Variants in APBB1IP observed in about 807,000 individuals in gnomAD.
APBB1IP encodes the protein amyloid beta A4 precursor protein-binding family B member 1-interacting protein.
A neutral mutation model predicts 64.9 loss-of-function variants in APBB1IP; 27 were observed. That is an observed-to-expected ratio of 0.42 (90% CI 0.31 to 0.57). The LOEUF is 0.57. Ranked by LOEUF, APBB1IP falls within the 20% of genes least tolerant of loss-of-function variation. APBB1IP has a pLI of 0.20. For missense variants in APBB1IP, 812 were observed against 845.5 expected, an observed-to-expected ratio of 0.96 and a Z score of 0.49; for synonymous variants, 392 against 331.0, an observed-to-expected ratio of 1.18 and a Z score of -2.00.
intron 5 of APBB1IP, among the ~76,000 whole-genome samples, chr10:26,502,491 A>C (rs751219516): frequency 1.2e-4 from 18 of 152,218 alleles, no homozygotes; most frequent in Non-Finnish European, 2.9e-5. Context: ...AATACAAAAA[A>C]ATTAGCCAGG....
At chr10:26,492,505 GAAC>G in intron 3 of APBB1IP, 107 bp downstream of exon 3, 1 of 975,770 alleles carries the variant, frequency 1.0e-6, no homozygotes, top group Non-Finnish European at 1.6e-6. Flanking sequence ...GATATCGGGG[GAAC>G]CAGCCCCCGA....
intron 14 of APBB1IP, among the ~76,000 whole-genome samples, chr10:26,565,716 C>T (rs1461117336): frequency 6.6e-6 from 1 of 152,134 alleles, no homozygotes; most frequent in Non-Finnish European, 1.5e-5. Context: ...GCCAGTAACA[C>T]CATGAAGATG....
At position 26,560,810 on chromosome 10, in the gene APBB1IP, A is replaced by G; in HGVS notation, c.1335A>G (p.Thr445=). The stretch of plus-strand genomic sequence containing the variant: ...CCTCTCGGTGGACAAACTTGGGGAC[A>G]GTCAATGCAGCTGCACCAGCTCAGC... ...GLASRWTNLG[T]VNAAAPAQPS... The change falls in exon 13 of 15, where the codon ACA becomes ACG. Residue 445 remains threonine, a synonymous_variant. Coordinates refer to ENST00000376236, the MANE Select transcript of APBB1IP (RefSeq NM_019043.4). 2 of 1,604,972 alleles carry G rather than the reference A, an allele frequency of 1.2e-6. No individual in the cohort carries two copies. The highest frequency in any genetic ancestry group is 2.2e-5 in the East Asian group (1 of 44,726).
At chr10:26,528,434 C>T (rs1836506324) in intron 8 of APBB1IP, among the ~76,000 whole-genome samples, 1 of 152,166 alleles carries the variant, frequency 6.6e-6, no homozygotes, top group Non-Finnish European at 1.5e-5. Flanking sequence ...TTCAAGGCCT[C>T]GTTCAAACTT....
chr10:26,534,688 C>T (rs546955168), intron 9 of APBB1IP, among the ~76,000 whole-genome samples: 4 of 152,316 alleles, frequency 2.6e-5, no homozygotes, highest in Non-Finnish European at 5.9e-5. Context: ...TGCCACCCCC[C>T]AGATGCTGAG....
intron 8 of APBB1IP, among the ~76,000 whole-genome samples, chr10:26,521,650 T>C (rs1836402668): frequency 6.6e-6 from 1 of 152,216 alleles, no homozygotes; most frequent in Non-Finnish European, 1.5e-5. Context: ...TCAAACTCTG[T>C]GCTTGCGTAA....
intron 2 of APBB1IP, among the ~76,000 whole-genome samples, chr10:26,488,921 G>T (rs1159041317): frequency 6.6e-6 from 1 of 152,110 alleles, no homozygotes; most frequent in Non-Finnish European, 1.5e-5. Flanking sequence ...ACACCTCCTT[G>T]TCCCATGTGT....
At chr10:26,469,338 C>T (rs1391718345) in intron 2 of APBB1IP, among the ~76,000 whole-genome samples, 10 of 143,414 alleles carry the variant, frequency 7.0e-5, no homozygotes, top group African/African-American at 2.4e-4. Flanking sequence ...CAGCTCACTG[C>T]AACCTCTGCC....
At chr10:26,557,990 C>G (rs1306009525) in intron 11 of APBB1IP, among the ~76,000 whole-genome samples, 1 of 152,178 alleles carries the variant, frequency 6.6e-6, no homozygotes, top group African/African-American at 2.4e-5. Context: ...TTCCTGCCAA[C>G]TGAAGAGCAG....
At position 26,567,437 on chromosome 10, in the gene APBB1IP, C is replaced by T. The variant is rs879198272; in HGVS notation, c.1950C>T (p.Phe650=). ...PGGAGGGEQD[F]MSDLMKALQK... is the part of the protein sequence containing the mutation. ...GAGCAGGAGGCGGGGAGCAAGATTT[C>T]ATGTCAGACCTCATGAAAGCTTTGC... The change falls in exon 15 of 15, where the codon TTC becomes TTT. Residue 650 remains phenylalanine, a synonymous_variant. Coordinates refer to ENST00000376236, the MANE Select transcript of APBB1IP (RefSeq NM_019043.4). 2 of 1,607,382 alleles carry T rather than the reference C, an allele frequency of 1.2e-6. No homozygotes were observed. The highest frequency in any genetic ancestry group is 1.7e-5 in the Admixed American group (1 of 59,758).
intron 8 of APBB1IP, among the ~76,000 whole-genome samples, chr10:26,526,088 G>T (rs1425483539): frequency 6.6e-6 from 1 of 152,220 alleles, no homozygotes; most frequent in Non-Finnish European, 1.5e-5. Flanking sequence ...ATGACAAGGT[G>T]CCATAGTTTG....
chr10:26,540,280 T>C (rs1836681111), intron 10 of APBB1IP, among the ~76,000 whole-genome samples: 1 of 152,134 alleles, frequency 6.6e-6, no homozygotes, highest in Non-Finnish European at 1.5e-5. Context: ...AGATGCAATG[T>C]TAAGAAAAAG....
At chr10:26,466,709 G>A (rs900739414) in intron 2 of APBB1IP, among the ~76,000 whole-genome samples, 2 of 152,214 alleles carry the variant, frequency 1.3e-5, no homozygotes, top group African/African-American at 4.8e-5. Context: ...GCTGAAATGG[G>A]AGGATTGCTT....
intron 2 of APBB1IP, among the ~76,000 whole-genome samples, chr10:26,453,404 G>C (rs914749501): frequency 6.6e-6 from 1 of 152,226 alleles, no homozygotes; most frequent in Non-Finnish European, 1.5e-5. Flanking sequence ...TTTGCTCTGA[G>C]CTGGGAGACA....
chr10:26,500,107 A>G (rs1285209063), intron 4 of APBB1IP, among the ~76,000 whole-genome samples: 1 of 150,864 alleles, frequency 6.6e-6, no homozygotes, highest in Non-Finnish European at 1.5e-5. Flanking sequence ...GCTGCTTGGG[A>G]GGCTGAGTTG....
At chr10:26,499,249 G>A (rs1232764700) in intron 4 of APBB1IP, among the ~76,000 whole-genome samples, 1 of 151,920 alleles carries the variant, frequency 6.6e-6, no homozygotes, top group Non-Finnish European at 1.5e-5. Flanking sequence ...CTGGGCAACA[G>A]AGGTTGCAAT....
intron 2 of APBB1IP, among the ~76,000 whole-genome samples, chr10:26,456,016 C>T (rs1835520793): frequency 6.6e-6 from 1 of 152,154 alleles, no homozygotes; most frequent in African/African-American, 2.4e-5. Context: ...ATTAATGTAT[C>T]ATCCCATTGA....
chr10:26,491,759 G>GTTTT (rs11403116), intron 2 of APBB1IP, among the ~76,000 whole-genome samples: 15 of 116,550 alleles, frequency 1.3e-4, no homozygotes, highest in Non-Finnish European at 1.5e-4. Flanking sequence ...TTTGTGTAAG[G>GTTTT]TTTTTTTTTT....
Position 26,528,115 on chromosome 10 carries a change from C to T in APBB1IP, c.814-5324C>T, listed in dbSNP as rs142425246. On this transcript the variant is annotated intron_variant, in intron 8 of 14. Coordinates refer to ENST00000376236, the MANE Select transcript of APBB1IP (RefSeq NM_019043.4). ...CACCTCAAGCTCTCTGCTTAGAATC[C>T]ATGCATCGTCCCATCTGCCACATTC... Among the ~76,000 whole-genome samples the T allele has an allele frequency of 3.0e-4, 46 of 152,296 alleles. No individual in the cohort carries two copies. The East Asian group carries it at 5.6e-3, about 19-fold the overall frequency.
Sources: allele counts gnomAD v4.1 joint callset (sites outside exome capture counted in the v4.1 genomes callset), GRCh38; gene constraint gnomAD v4.1.1; transcripts MANE v1.5; gene names NCBI Gene and HGNC (gene_info 2026-07-23, HGNC 2026-07-21).